Variants in ODF2 observed in about 807,000 individuals in gnomAD.
ODF2 encodes the protein outer dense fiber protein 2.
Under a neutral mutation model 110.2 loss-of-function variants are expected in ODF2, and 47 were observed. The observed-to-expected ratio is 0.43, with a 90% CI of 0.34 to 0.54. The LOEUF is 0.54. Ranked by LOEUF, ODF2 falls within the 20% of genes least tolerant of loss-of-function variation. ODF2 has a pLI of 0.03. For synonymous variants in ODF2, 352 were observed against 397.7 expected (o/e 0.89, Z 1.37); for missense variants, 812 against 1,054.5 (o/e 0.77, Z 3.19).
intron 8 of ODF2, 137 bp from the exon 9 acceptor site, chr9:128,481,443 C>T (rs1013999104): frequency 3.4e-6 from 2 of 586,292 alleles, no homozygotes; most frequent in African/African-American, 1.9e-5. Context: ...CACCACTGCA[C>T]TCCAGCCTGG....
intron 14 of ODF2, among the ~76,000 whole-genome samples, 184 bp downstream of exon 14, chr9:128,488,209 C>G (rs1285403164): frequency 6.6e-6 from 1 of 152,176 alleles, no homozygotes; most frequent in Non-Finnish European, 1.5e-5. Flanking sequence ...AGGTGGATCA[C>G]TTGAGCCTAG....
chr9:128,456,988 C>T, intron 1 of ODF2: 11 of 1,252,830 alleles, frequency 8.8e-6, no homozygotes, highest in Non-Finnish European at 9.1e-6. Flanking sequence ...GGTTCTGGCC[C>T]TCTGGGGCCC....
exon 2 of ODF2, chr9:128,457,198 G>A (rs1363602295): frequency 3.2e-6 from 5 of 1,552,854 alleles, no homozygotes; most frequent in Non-Finnish European, 4.3e-6. Flanking sequence ...ACTTTGGCAG[G>A]ACAGTTGCTG....
intron 18 of ODF2, 84 bp downstream of exon 18, chr9:128,496,225 G>T: frequency 1.3e-6 from 2 of 1,592,676 alleles, no homozygotes; most frequent in South Asian, 1.1e-5. Context: ...TTAGTGTGCG[G>T]AAGTGTTGAG....
intron 14 of ODF2, among the ~76,000 whole-genome samples, chr9:128,488,843 A>T (rs777404644): frequency 1.3e-5 from 2 of 152,002 alleles, no homozygotes; most frequent in African/African-American, 2.4e-5. Flanking sequence ...GTCTGTACTA[A>T]AAATACAAAA....
intron 8 of ODF2, among the ~76,000 whole-genome samples, chr9:128,474,554 A>G (rs892280691): frequency 6.6e-6 from 1 of 150,998 alleles, no homozygotes; most frequent in Admixed American, 6.6e-5. Context: ...TCAGCTCCTC[A>G]GGAGGCTGAG....
At chr9:128,484,412 C>T (rs561516074) in intron 11 of ODF2, among the ~76,000 whole-genome samples, 8 of 152,280 alleles carry the variant, frequency 5.3e-5, no homozygotes, top group South Asian at 2.1e-4. Context: ...AAGGAACTAT[C>T]TCTGACCACA....
chr9:128,499,234 G>A, intron 20 of ODF2, 108 bp downstream of exon 20: 1 of 1,347,316 alleles, frequency 7.4e-7, no homozygotes, highest in Non-Finnish European at 1.0e-6. Context: ...AATATGACAT[G>A]GTTTTATTTT....
chr9:128,483,964 T>G (rs147345424), exon 11 of ODF2: 2 of 1,613,600 alleles, frequency 1.2e-6, no homozygotes, highest in African/African-American at 2.7e-5. Context: ...CCTCTGAGCT[T>G]TCTAAATCCA....
intron 5 of ODF2, among the ~76,000 whole-genome samples, chr9:128,470,032 TATATATATATATATAA>T (rs1564476077): frequency 1.5e-5 from 1 of 65,010 alleles, no homozygotes; most frequent in Non-Finnish European, 2.9e-5. Context: ...TATATATATA[TATATATATATATATAA>T]ATAAAAAAAT....
At chr9:128,486,286 G>T (rs2132075580) in intron 13 of ODF2, among the ~76,000 whole-genome samples, 1 of 152,290 alleles carries the variant, frequency 6.6e-6, no homozygotes, top group Non-Finnish European at 1.5e-5. Flanking sequence ...CTCACTATGT[G>T]CCAGGCTCTA....
chr9:128,470,043 ATAT>A (rs1839544050), intron 5 of ODF2, among the ~76,000 whole-genome samples: 7 of 101,070 alleles, frequency 6.9e-5, no homozygotes, highest in East Asian at 3.3e-4. Flanking sequence ...ATATATATAT[ATAT>A]AAATAAAAAA....
In ODF2 at chr9:128,460,740, T is replaced by C. The variant is rs1379074049; in HGVS notation, c.124-202T>C. On this transcript the variant is annotated intron_variant, in intron 3 of 20. Coordinates refer to ENST00000604420, the Ensembl canonical transcript of ODF2. ...CCTGCTAAGCCCAGCCTCCTCGCAC[T>C]CTGACTCCAAAGGTTTGGGAGACAA... 3.8e-6 allele frequency: 6 copies of C among 1,582,160 alleles called. No individual in the cohort carries two copies. The East Asian group carries it at 1.4e-4, about 36-fold the overall frequency.
intron 10 of ODF2, 101 bp downstream of exon 10, chr9:128,482,988 C>G: frequency 2.3e-6 from 2 of 869,000 alleles, no homozygotes; most frequent in Non-Finnish European, 3.5e-6. Flanking sequence ...CTCTGCCTCC[C>G]GGATTTGAGT....
Position 128,485,040 on chromosome 9 carries a change from G to A in ODF2, c.1290+154G>A, listed in dbSNP as rs778179616. 7 of 807,230 alleles carry A rather than the reference G, an allele frequency of 8.7e-6. No individual in the cohort carries two copies. Among genetic ancestry groups the A allele is most frequent in the Non-Finnish European group, 1.4e-5 (7 of 501,062 alleles). 50.0% of individuals were successfully genotyped at this position (807,230 alleles called of 1,614,324 possible). On this transcript the variant is annotated intron_variant, in intron 12 of 20. Coordinates refer to ENST00000604420, the Ensembl canonical transcript of ODF2. The surrounding 1 kb of genome is among the most constrained non-coding windows in gnomAD (Gnocchi z 5.0). ...GATGGCTGGGGAGGAGGGAGAGGGA[G>A]TTAAGGGGATCAAATGGGTAAAAGC...
intron 18 of ODF2, chr9:128,497,668 C>T (rs1030240390): frequency 8.6e-5 from 13 of 151,574 alleles, no homozygotes; most frequent in African/African-American, 3.2e-4. Flanking sequence ...GGGCAAGAGT[C>T]CTCCAGCCCT....
chr9:128,456,620 G>C, intron 1 of ODF2: 2 of 1,510,000 alleles, frequency 1.3e-6, no homozygotes, highest in South Asian at 1.2e-5. Context: ...GCTCTCCCTC[G>C]CTCTGCTGCC....
At chr9:128,472,916 T>G (rs774366168) in exon 7 of ODF2, 2 of 1,613,912 alleles carry the variant, frequency 1.2e-6, no homozygotes, top group Admixed American at 3.3e-5. Flanking sequence ...GCCCCAGACT[T>G]CAGAAGAAAC....
chr9:128,498,882 A>G (rs950195803), intron 19 of ODF2, 119 bp from the exon 20 acceptor site: 1 of 1,333,948 alleles, frequency 7.5e-7, no homozygotes, highest in Non-Finnish European at 1.0e-6. Flanking sequence ...TAGAGAACAC[A>G]GTCCACAATG....
Sources: gnomAD v4.1 joint callset for allele counts (sites outside exome capture counted in the v4.1 genomes callset) on GRCh38, gnomAD v4.1.1 for gene constraint, Gnocchi (gnomAD v3.1) non-coding constraint, MANE v1.5 for transcripts, NCBI Gene and HGNC (gene_info 2026-07-23, HGNC 2026-07-21) for gene names.